Variants in HMG20A observed in about 807,000 individuals in gnomAD.
HMG20A encodes high mobility group protein 20A.
HMG20A carries 17 observed loss-of-function variants against 43.9 expected under a neutral mutation model. The ratio of observed to expected loss-of-function variants is 0.39; its 90% CI spans 0.27 to 0.58. The LOEUF (loss-of-function observed/expected upper bound fraction) is 0.58, where lower values mean the gene tolerates loss of function less well. Ranked by LOEUF, HMG20A falls within the 20% of genes least tolerant of loss-of-function variation. The probability of loss-of-function intolerance (pLI) is 0.59; values close to 1 mark genes in which losing one functional copy is unlikely to be tolerated. For synonymous variants in HMG20A, 132 were observed against 147.5 expected (o/e 0.89, Z 0.76); for missense variants, 341 against 438.2 (o/e 0.78, Z 1.98).
intron 1 of HMG20A, among the ~76,000 whole-genome samples, chr15:77,439,023 T>A (rs752566335): frequency 1.3e-5 from 2 of 151,788 alleles, no homozygotes; most frequent in Non-Finnish European, 2.9e-5. Context: ...TCGATCTCCT[T>A]ACCTCGTGAT....
chr15:77,458,412 A>C lies in HMG20A; in HGVS notation c.5A>C (p.Glu2Ala). The change falls in exon 2 of 10, where the codon GAA (glutamate) becomes GCA (alanine). Residue 2 changes from glutamate (E) to alanine (A), a missense_variant. Coordinates refer to ENST00000336216, the MANE Select transcript of HMG20A (RefSeq NM_001304504.2). The stretch of plus-strand genomic sequence containing the variant: ...TTCTCTTTTCCTTTCAGAGAGATGG[A>C]AAACTTGATGACTAGCTCCACCCTA... MENLMTSSTLPP... is the reference protein window; with the variant it reads MANLMTSSTLPP... 6.2e-7 allele frequency: 1 copy of C among 1,611,390 alleles called. No homozygotes were observed. The highest frequency in any genetic ancestry group is 8.5e-7 in the Non-Finnish European group (1 of 1,177,934).
chr15:77,434,855 C>T (rs1595912974), intron 1 of HMG20A, among the ~76,000 whole-genome samples: 1 of 152,252 alleles, frequency 6.6e-6, no homozygotes, highest in East Asian at 1.9e-4. Context: ...GGTGATCATA[C>T]ACCCTCTGAC....
chr15:77,507,413 G>T, the HMG20A span, among the ~76,000 whole-genome samples: 1 of 152,294 alleles, frequency 6.6e-6, no homozygotes, highest in Middle Eastern at 3.4e-3. Flanking sequence ...GCCTCCCTCC[G>T]CTGTGCCTGG....
chr15:77,516,227 G>A, the HMG20A span, among the ~76,000 whole-genome samples: 1 of 152,166 alleles, frequency 6.6e-6, no homozygotes, highest in Non-Finnish European at 1.5e-5. Flanking sequence ...GCTGGCCATG[G>A]TGAATGGCCA....
At chr15:77,492,527 G>C in the HMG20A span, among the ~76,000 whole-genome samples, 2 of 152,306 alleles carry the variant, frequency 1.3e-5, no homozygotes, top group Admixed American at 6.5e-5. Context: ...AGGATGGAAG[G>C]TAAGAAGAGC....
chr15:77,514,399 G>A, the HMG20A span, among the ~76,000 whole-genome samples: 1 of 152,188 alleles, frequency 6.6e-6, no homozygotes, highest in Non-Finnish European at 1.5e-5. Flanking sequence ...GGTGGGTACT[G>A]CCAGAAAGGC....
intron 1 of HMG20A, among the ~76,000 whole-genome samples, chr15:77,442,418 A>G (rs1257478035): frequency 6.6e-6 from 1 of 152,174 alleles, no homozygotes; most frequent in Non-Finnish European, 1.5e-5. Context: ...TATTGCACTC[A>G]TGGGGAAATA....
chr15:77,455,708 G>C (rs1403448867), intron 1 of HMG20A, among the ~76,000 whole-genome samples: 1 of 152,138 alleles, frequency 6.6e-6, no homozygotes, highest in East Asian at 1.9e-4. Context: ...CATTTCTTAA[G>C]TGCTTTGCAT....
chr15:77,467,555 G>A (rs555653549), intron 4 of HMG20A, among the ~76,000 whole-genome samples: 17 of 152,080 alleles, frequency 1.1e-4, no homozygotes, highest in Admixed American at 1.0e-3. Context: ...CTTTTTATAC[G>A]CTGAGTTCAC....
At chr15:77,500,122 C>A in the HMG20A span, among the ~76,000 whole-genome samples, 1 of 152,254 alleles carries the variant, frequency 6.6e-6, no homozygotes, top group Non-Finnish European at 1.5e-5. Context: ...TGAGCCACTG[C>A]GCCCAGCCAT....
At chr15:77,443,295 C>A (rs1177574101) in intron 1 of HMG20A, among the ~76,000 whole-genome samples, 1 of 149,206 alleles carries the variant, frequency 6.7e-6, no homozygotes, top group African/African-American at 2.5e-5. Context: ...GGCCTCCCAA[C>A]ACTTTGAACA....
At chr15:77,505,281 C>A in the HMG20A span, among the ~76,000 whole-genome samples, 1 of 152,240 alleles carries the variant, frequency 6.6e-6, no homozygotes, top group Non-Finnish European at 1.5e-5. Context: ...GCAGAGATTT[C>A]CAGGTTCGAG....
chr15:77,517,596 A>G, the HMG20A span, among the ~76,000 whole-genome samples: 2 of 151,160 alleles, frequency 1.3e-5, no homozygotes, highest in Non-Finnish European at 1.5e-5. Context: ...TTTGAGCACA[A>G]TTTCACTCTT....
intron 1 of HMG20A, among the ~76,000 whole-genome samples, chr15:77,445,834 G>A (rs553602680): frequency 2.6e-5 from 4 of 152,328 alleles, no homozygotes; most frequent in Admixed American, 6.5e-5. Context: ...GTGGGATGGA[G>A]CAGGACAGCA....
chr15:77,488,553 G>A (rs949178876), downstream of HMG20A, among the ~76,000 whole-genome samples: 34 of 152,116 alleles, frequency 2.2e-4, no homozygotes, highest in African/African-American at 8.0e-4. Context: ...AGTCAGGGTG[G>A]GGGATCAGTA....
In HMG20A at chr15:77,478,362, G is replaced by T; in HGVS notation, c.759G>T (p.Leu253=). ...NMEFEERNAA[L]QKHVESMRTA... ...AGTTTGAGGAGAGGAATGCAGCCCT[G>T]CAAAAGCACGTGGAGAGCATGCGCA... Residue 253 remains leucine (L), a synonymous_variant, in exon 8 of 10, where the codon CTG becomes CTT. Coordinates refer to ENST00000336216, the MANE Select transcript of HMG20A (RefSeq NM_001304504.2). 2 of 1,613,656 alleles carry T rather than the reference G, an allele frequency of 1.2e-6. No individual in the cohort carries two copies. The highest frequency in any genetic ancestry group is 1.8e-4 in the Middle Eastern group (1 of 5,692).
intron 2 of HMG20A, among the ~76,000 whole-genome samples, chr15:77,460,538 G>A (rs141617748): frequency 1.8e-3 from 275 of 152,252 alleles, no homozygotes; most frequent in Non-Finnish European, 3.0e-3. Flanking sequence ...CTGCTATTAG[G>A]GGAAGTTTAG....
intron 6 of HMG20A, among the ~76,000 whole-genome samples, chr15:77,472,737 G>A (rs1169921803): frequency 6.6e-6 from 1 of 152,178 alleles, no homozygotes; most frequent in African/African-American, 2.4e-5. Flanking sequence ...TTCAAATTCT[G>A]TTTTCTCCTT....
chr15:77,480,119 C>T (rs955665162), intron 9 of HMG20A, among the ~76,000 whole-genome samples: 4 of 151,412 alleles, frequency 2.6e-5, no homozygotes, highest in African/African-American at 7.3e-5. Flanking sequence ...GACAAAACCC[C>T]GTATCTACAA....
Sources: gnomAD v4.1 joint callset for allele counts (sites outside exome capture counted in the v4.1 genomes callset) on GRCh38, gnomAD v4.1.1 for gene constraint, MANE v1.5 for transcripts, NCBI Gene and HGNC (gene_info 2026-07-23, HGNC 2026-07-21) for gene names.